PDE10A: variants seen among roughly 807,000 people sequenced by gnomAD.
PDE10A encodes the protein phosphodiesterase 10A.
In PDE10A, 39 loss-of-function variants were observed where a neutral mutation model predicts 97.7. That is an observed-to-expected ratio of 0.40 (90% CI 0.31 to 0.52). The LOEUF is 0.52. Ranked by LOEUF, PDE10A falls within the 20% of genes least tolerant of loss-of-function variation. The pLI is 0.56. For missense variants in PDE10A, 731 were observed against 1,047.8 expected, an observed-to-expected ratio of 0.70 and a Z score of 4.17; for synonymous variants, 371 against 376.8, an observed-to-expected ratio of 0.98 and a Z score of 0.18.
At chr6:165,443,747 C>T (rs2128245250) in intron 5 of PDE10A, among the ~76,000 whole-genome samples, 1 of 152,320 alleles carries the variant, frequency 6.6e-6, no homozygotes, top group South Asian at 2.1e-4. Flanking sequence ...CTCCCACACT[C>T]TTGCCTTCTG....
rs535469797 is a variant in PDE10A at position 165,359,670 on chromosome 6, C to G, written c.2784-16168G>C. On this transcript the variant is annotated intron_variant, in intron 18 of 21. Transcript: ENST00000539869. ...TCCACAATCTAAGTCATCTTGGGCT[C>G]TGTTTCTCCTGACTGCTTATGTCTT... Among the ~76,000 whole-genome samples the G allele has an allele frequency of 2.0e-3, 303 of 152,278 alleles. 2 individuals are homozygous for G. Among genetic ancestry groups the G allele is most frequent in the African/African-American group, 6.5e-3 (271 of 41,570 alleles).
intron 18 of PDE10A, among the ~76,000 whole-genome samples, chr6:165,354,818 T>G (rs999156327): frequency 6.6e-5 from 10 of 152,162 alleles, no homozygotes; most frequent in Non-Finnish European, 1.5e-5. Flanking sequence ...ATGAAGGCAT[T>G]TCTACGCTGG....
At chr6:165,498,399 G>A (rs983830925) in intron 2 of PDE10A, among the ~76,000 whole-genome samples, 3 of 101,992 alleles carry the variant, frequency 2.9e-5, no homozygotes, top group Non-Finnish European at 5.4e-5. Context: ...CTCCAGCCAG[G>A]ATGACAGAGC....
chr6:165,432,165 G>C (rs902392320), intron 7 of PDE10A, among the ~76,000 whole-genome samples: 13 of 152,160 alleles, frequency 8.5e-5, no homozygotes, highest in Non-Finnish European at 1.5e-4. Context: ...AGAAGGACAA[G>C]AAATGAAATA....
chr6:165,331,334 T>G lies in PDE10A; in HGVS notation c.*1691A>C, dbSNP rs1225566650. ...CAAATGGAGCTCCACGGAGGGAAGA[T>G]GGCAACTTTCAGAAGCCCACAAGAA... is the stretch of plus-strand genomic sequence containing the variant. On this transcript the variant is annotated 3_prime_UTR_variant, in exon 22 of 22. Coordinates refer to ENST00000539869, the MANE Select transcript of PDE10A (RefSeq NM_001385079.1). The G allele has an allele frequency of 6.6e-6, 1 of 152,210 alleles. No homozygotes were observed. The highest frequency in any genetic ancestry group is 2.4e-5 in the African/African-American group (1 of 41,452). The allele number at this position is 152,210 out of a possible 1,614,324, so 9.4% of individuals were successfully genotyped here. A position where few individuals can be genotyped will look rare whatever the true frequency, so the allele number is the denominator to read the frequency against.
intron 1 of PDE10A, among the ~76,000 whole-genome samples, chr6:165,723,520 C>T (rs1554312062): frequency 1.3e-5 from 2 of 152,186 alleles, no homozygotes; most frequent in African/African-American, 4.8e-5. Flanking sequence ...ACAGGCAGGC[C>T]GAGCTGGAAT....
chr6:165,556,797 A>T (rs1784277132), intron 1 of PDE10A, among the ~76,000 whole-genome samples: 1 of 152,066 alleles, frequency 6.6e-6, no homozygotes, highest in Non-Finnish European at 1.5e-5. Flanking sequence ...AAAATCTATG[A>T]CTGTCTACTG....
At chr6:165,885,213 T>C (rs1430443589) in intron 1 of PDE10A, among the ~76,000 whole-genome samples, 6 of 152,204 alleles carry the variant, frequency 3.9e-5, no homozygotes, top group African/African-American at 1.4e-4. Context: ...TTTAAAGGAC[T>C]ACCGGAGACT....
intron 1 of PDE10A, among the ~76,000 whole-genome samples, chr6:165,584,863 G>A (rs1785817625): frequency 6.6e-6 from 1 of 152,158 alleles, no homozygotes; most frequent in African/African-American, 2.4e-5. Flanking sequence ...AGGCTGTGGT[G>A]CTCCCAGAGG....
At chr6:165,966,440 G>A (rs529076149) in intron 1 of PDE10A, among the ~76,000 whole-genome samples, 1 of 152,308 alleles carries the variant, frequency 6.6e-6, no homozygotes, top group African/African-American at 2.4e-5. Context: ...TTATGTCTGT[G>A]ACCATTACTC....
intron 1 of PDE10A, among the ~76,000 whole-genome samples, chr6:165,984,573 A>G (rs1015741401): frequency 6.6e-6 from 1 of 152,272 alleles, no homozygotes; most frequent in African/African-American, 2.4e-5. Flanking sequence ...GGTCAAAACC[A>G]AATGCTGCGT....
At chr6:165,537,898 G>A (rs1209055706) in intron 2 of PDE10A, among the ~76,000 whole-genome samples, 1 of 151,666 alleles carries the variant, frequency 6.6e-6, no homozygotes, top group Non-Finnish European at 1.5e-5. Flanking sequence ...TTTCAAAAAC[G>A]TGTTTTTTTC....
At chr6:165,916,673 T>G (rs1782613405) in intron 1 of PDE10A, among the ~76,000 whole-genome samples, 1 of 152,212 alleles carries the variant, frequency 6.6e-6, no homozygotes, top group Non-Finnish European at 1.5e-5. Flanking sequence ...ATTGATTGAT[T>G]GTGCTGCTGC....
At chr6:165,748,250 T>A (rs778397198) in intron 1 of PDE10A, among the ~76,000 whole-genome samples, 1 of 152,256 alleles carries the variant, frequency 6.6e-6, no homozygotes, top group Non-Finnish European at 1.5e-5. Flanking sequence ...TGATTATTTA[T>A]GTTGTTTAGG....
At chr6:165,807,181 C>T (rs1019106302) in intron 1 of PDE10A, among the ~76,000 whole-genome samples, 3 of 149,388 alleles carry the variant, frequency 2.0e-5, no homozygotes, top group African/African-American at 7.7e-5. Context: ...GTTTTTGATT[C>T]TCTTTCTCAA....
intron 1 of PDE10A, among the ~76,000 whole-genome samples, chr6:165,926,651 G>A (rs1697922171): frequency 6.6e-6 from 1 of 152,206 alleles, no homozygotes; most frequent in Admixed American, 6.5e-5. Flanking sequence ...TTAGAGCACA[G>A]CATCCAACCC....
intron 1 of PDE10A, among the ~76,000 whole-genome samples, chr6:165,926,147 T>C (rs1412389591): frequency 6.6e-6 from 1 of 152,210 alleles, no homozygotes; most frequent in Non-Finnish European, 1.5e-5. Flanking sequence ...GGAGCAACCC[T>C]GGCAAGGTGA....
At chr6:165,719,645 C>T (rs529436304) in intron 1 of PDE10A, among the ~76,000 whole-genome samples, 251 of 150,686 alleles carry the variant, frequency 1.7e-3, no homozygotes, top group African/African-American at 5.9e-3. Flanking sequence ...CAGGTGTAAC[C>T]CAGGTGGGTG....
intron 1 of PDE10A, among the ~76,000 whole-genome samples, chr6:165,889,648 A>C (rs900065142): frequency 3.3e-5 from 5 of 152,100 alleles, no homozygotes; most frequent in Admixed American, 1.3e-4. Context: ...TGGCAGCAAA[A>C]AAATACCAAT....
Sources: gnomAD v4.1 joint callset for allele counts (sites outside exome capture counted in the v4.1 genomes callset) on GRCh38, gnomAD v4.1.1 for gene constraint, MANE v1.5 for transcripts, NCBI Gene and HGNC (gene_info 2026-07-23, HGNC 2026-07-21) for gene names.